The following ESRRB variants were observed in gnomAD, a reference collection of about 807,000 sequenced individuals.
ESRRB encodes steroid hormone receptor ERR2.
A neutral mutation model predicts 46.0 loss-of-function variants in ESRRB; 16 were observed. That is an observed-to-expected ratio of 0.35 (90% CI 0.24 to 0.53). The LOEUF (loss-of-function observed/expected upper bound fraction) is 0.53. Ranked by LOEUF, ESRRB falls within the 20% of genes least tolerant of loss-of-function variation. The pLI, the probability that ESRRB is intolerant of heterozygous loss-of-function variation, is 0.93. For synonymous variants in ESRRB, 246 were observed against 259.6 expected (o/e 0.95, Z 0.50); for missense variants, 488 against 607.4 (o/e 0.80, Z 2.07).
intron 1 of ESRRB, among the ~76,000 whole-genome samples, chr14:76,416,235 C>G (rs1022413850): frequency 6.8e-6 from 1 of 147,974 alleles, no homozygotes; most frequent in Non-Finnish European, 1.5e-5. Flanking sequence ...CTCCTGGGAT[C>G]AAGGGATCCT....
chr14:76,413,866 A>G (rs553916953), intron 1 of ESRRB, among the ~76,000 whole-genome samples: 28 of 5,196 alleles, frequency 5.4e-3, no homozygotes, highest in South Asian at 0.017. Flanking sequence ...CACCATCCCC[A>G]CCCCTGCACC....
intron 1 of ESRRB, among the ~76,000 whole-genome samples, chr14:76,414,616 A>G (rs1264091430): frequency 6.9e-6 from 1 of 144,596 alleles, no homozygotes; most frequent in Non-Finnish European, 1.5e-5. Flanking sequence ...AAATAATCAA[A>G]TTTTACTTGA....
At position 76,475,655 on chromosome 14, in the gene ESRRB, T is replaced by A. The variant is rs1486830423; in HGVS notation, c.578-6361T>A. On this transcript the variant is annotated intron_variant, in intron 3 of 6. Transcript: ENST00000644823. ...GGCGTCTGTTCAAATTCCTTCTTTT[T>A]ATTTTTTAAAAATTTGCTTCTTTTC... is the stretch of plus-strand genomic sequence containing the variant. Among the ~76,000 whole-genome samples the A allele has an allele frequency of 4.6e-5, 7 of 152,354 alleles. No homozygotes were observed. In the East Asian group the frequency reaches 1.3e-3, roughly 29 times the overall value.
intron 6 of ESRRB, 22 bp from the exon 7 acceptor site, chr14:76,498,186 CTGCTAA>C: frequency 6.2e-7 from 1 of 1,613,354 alleles, no homozygotes; most frequent in Non-Finnish European, 8.5e-7. Flanking sequence ...CTGGCCAAGC[CTGCTAA>C]TGCTCGTCCT....
intron 3 of ESRRB, among the ~76,000 whole-genome samples, chr14:76,466,504 C>T (rs1196061930): frequency 6.6e-6 from 1 of 152,076 alleles, no homozygotes; most frequent in Non-Finnish European, 1.5e-5. Flanking sequence ...ATGGCCACGT[C>T]CCTGTGACTT....
At chr14:76,374,631 G>A (rs1334816729), upstream of ESRRB, among the ~76,000 whole-genome samples, 1 of 152,180 alleles carries the variant, frequency 6.6e-6, no homozygotes. Context: ...TGAGGTCCTG[G>A]TGAGAGATGA....
At chr14:76,322,853 A>C (rs766787766) in intron 1 of ESRRB, among the ~76,000 whole-genome samples, 12 of 152,118 alleles carry the variant, frequency 7.9e-5, no homozygotes, top group Non-Finnish European at 1.8e-4. Flanking sequence ...GGCTCTTGGG[A>C]TGCTAATCAC....
intron 3 of ESRRB, among the ~76,000 whole-genome samples, chr14:76,469,137 T>C (rs527263120): frequency 7.2e-5 from 11 of 151,902 alleles, no homozygotes; most frequent in Non-Finnish European, 1.5e-4. Context: ...TCTGTTGCCC[T>C]GGCTGGACTG....
chr14:76,416,784 T>C (rs73318318), intron 1 of ESRRB, among the ~76,000 whole-genome samples: 4,723 of 152,274 alleles, frequency 0.031, 131 homozygotes, highest in African/African-American at 0.075. Context: ...CTGGGTTTTG[T>C]TCATTGACTC....
At chr14:76,316,735 G>A (rs1234357663) in intron 1 of ESRRB, among the ~76,000 whole-genome samples, 1 of 150,664 alleles carries the variant, frequency 6.6e-6, no homozygotes, top group African/African-American at 2.4e-5. Context: ...CTGCTTTCAT[G>A]TTCCTCTGTC....
chr14:76,405,563 A>G (rs1886149302), intron 1 of ESRRB, among the ~76,000 whole-genome samples: 1 of 152,158 alleles, frequency 6.6e-6, no homozygotes, highest in Admixed American at 6.6e-5. Context: ...GAATGCTTCC[A>G]GGGGGCTTGT....
intron 3 of ESRRB, among the ~76,000 whole-genome samples, chr14:76,472,860 C>A (rs552610036): frequency 3.3e-4 from 51 of 152,324 alleles, no homozygotes; most frequent in Non-Finnish European, 3.7e-4. Context: ...ACACTGGCCA[C>A]ATAAAAGTAT....
chr14:76,344,833 CAG>C (rs1491219084), intron 1 of ESRRB, among the ~76,000 whole-genome samples: 2 of 115,352 alleles, frequency 1.7e-5, no homozygotes, highest in African/African-American at 3.2e-5. Context: ...GCCTGGGTGA[CAG>C]AGACTCCATC....
intron 1 of ESRRB, among the ~76,000 whole-genome samples, chr14:76,412,611 A>AG (rs2139865759): frequency 6.6e-6 from 1 of 152,304 alleles, no homozygotes; most frequent in Admixed American, 6.5e-5. Context: ...CCAACAAAGA[A>AG]GGTTTTGAAG....
chr14:76,328,446 C>T (rs1169744658), intron 1 of ESRRB, among the ~76,000 whole-genome samples: 3 of 152,198 alleles, frequency 2.0e-5, no homozygotes, highest in African/African-American at 7.2e-5. Context: ...CCCCAATCCA[C>T]ACACAAGTGC....
chr14:76,453,597 CTT>C lies in ESRRB; in HGVS notation c.461-8931_461-8930del, dbSNP rs796736002. Among the ~76,000 whole-genome samples, 486 of 134,204 alleles carry C rather than the reference CTT, an allele frequency of 3.6e-3. 4 individuals are homozygous for C. The highest frequency in any genetic ancestry group is 0.012 in the African/African-American group (436 of 35,384). 88.0% of individuals were successfully genotyped at this position (134,204 alleles called of 152,430 possible). A position where few individuals can be genotyped will look rare whatever the true frequency, so the allele number is the denominator to read the frequency against. ...ATCAAATCAAATCTGAAAAAAAGCTCTTTTTTTTTTTTTTTTTTGAGACTGGG... is the reference window on the plus strand; with the variant it reads ...ATCAAATCAAATCTGAAAAAAAGCTCTTTTTTTTTTTTTTTTGAGACTGGG... On this transcript the variant is annotated intron_variant, in intron 2 of 6. Coordinates refer to ENST00000644823, the MANE Select transcript of ESRRB (RefSeq NM_001379180.1).
intron 1 of ESRRB, among the ~76,000 whole-genome samples, chr14:76,312,605 G>T (rs1460199747): frequency 1.3e-5 from 2 of 151,340 alleles, no homozygotes; most frequent in African/African-American, 4.9e-5. Flanking sequence ...GAACTCCAGA[G>T]GGGGACAAAC....
intron 1 of ESRRB, among the ~76,000 whole-genome samples, chr14:76,434,499 A>G (rs762723364): frequency 5.9e-5 from 9 of 151,978 alleles, no homozygotes; most frequent in Non-Finnish European, 1.2e-4. Flanking sequence ...AAAAAAAAAC[A>G]GAATACAAAA....
At chr14:76,351,268 G>A (rs1451334009) in intron 1 of ESRRB, among the ~76,000 whole-genome samples, 2 of 152,160 alleles carry the variant, frequency 1.3e-5, no homozygotes, top group Non-Finnish European at 2.9e-5. Flanking sequence ...ATAAATAAAT[G>A]TATTGTCTCA....
Sources: allele counts gnomAD v4.1 joint callset (sites outside exome capture counted in the v4.1 genomes callset), GRCh38; gene constraint gnomAD v4.1.1; transcripts MANE v1.5; gene names NCBI Gene and HGNC (gene_info 2026-07-23, HGNC 2026-07-21).